The following CCZ1 variants were observed in gnomAD, a reference collection of about 807,000 sequenced individuals.
The protein encoded by CCZ1 is CCZ1 vacuolar protein trafficking and biogenesis associated.
A neutral mutation model predicts 57.8 loss-of-function variants in CCZ1; 19 were observed. The ratio of observed to expected loss-of-function variants is 0.33; its 90% CI spans 0.23 to 0.48. The LOEUF (loss-of-function observed/expected upper bound fraction) is 0.48. CCZ1 is among the 20% of genes least tolerant of loss of function. The pLI is 0.99. For synonymous variants in CCZ1, 81 were observed against 167.0 expected, an observed-to-expected ratio of 0.49 and a Z score of 3.97; for missense variants, 200 against 492.0, an observed-to-expected ratio of 0.41 and a Z score of 5.61.
At chr7:5,909,213 T>G (rs1448441834) in intron 7 of CCZ1, among the ~76,000 whole-genome samples, 1 of 148,678 alleles carries the variant, frequency 6.7e-6, no homozygotes, top group Admixed American at 6.7e-5. Context: ...TTTAACCCTT[T>G]ACCTTCCTTA....
At chr7:5,905,380 G>T in intron 7 of CCZ1, 111 bp downstream of exon 7, 3 of 617,192 alleles carry the variant, frequency 4.9e-6, no homozygotes, top group Non-Finnish European at 8.2e-6. Context: ...GGGAGGATGG[G>T]TAGGAAGCAT....
Position 5,914,227 on chromosome 7 carries a change from G to GT in CCZ1, c.954+1275dup, listed in dbSNP as rs758203408. 5.2e-4 allele frequency among the ~76,000 whole-genome samples: 77 copies of GT among 147,122 alleles called. 5 individuals carry two copies. Among genetic ancestry groups the GT allele is most frequent in the Non-Finnish European group, 9.5e-4 (64 of 67,184 alleles). ...GTGGGAGGATCACTTGAGGCCAGGA[G>GT]TTGGAGGCCAGCCTGGGCAACATAG... On this transcript the variant is annotated intron_variant, in intron 10 of 14. Transcript: ENST00000325974.
chr7:5,911,980 G>A lies in CCZ1; in HGVS notation c.842+58G>A, dbSNP rs535005038. The A allele has an allele frequency of 2.8e-4, 426 of 1,532,830 alleles. 17 individuals carry two copies. The African/African-American group carries it at 5.3e-3, about 19-fold the overall frequency. 95.0% of individuals were successfully genotyped at this position (1,532,830 alleles called of 1,614,324 possible). A position where few individuals can be genotyped will look rare whatever the true frequency, so the allele number is the denominator to read the frequency against. ...GGTTTTCTTTCTTTTTTGACTCAGA[G>A]TCTGGCTCTGTTACCCAGGCTGGAG... On this transcript the variant is annotated intron_variant, in intron 9 of 14. Coordinates refer to ENST00000325974, the MANE Select transcript of CCZ1 (RefSeq NM_015622.6).
Position 5,908,244 on chromosome 7 carries a change from C to T in CCZ1, c.699-1791C>T, listed in dbSNP as rs536283139. Among the ~76,000 whole-genome samples, 395 of 140,244 alleles carry T rather than the reference C, an allele frequency of 2.8e-3. 35 individuals carry two copies. Among genetic ancestry groups the T allele is most frequent in the African/African-American group, 0.01 (379 of 36,900 alleles). The allele number at this position is 140,244 out of a possible 152,430, so 92.0% of individuals were successfully genotyped here. A position where few individuals can be genotyped will look rare whatever the true frequency, so the allele number is the denominator to read the frequency against. On this transcript the variant is annotated intron_variant, in intron 7 of 14. Coordinates refer to ENST00000325974, the MANE Select transcript of CCZ1 (RefSeq NM_015622.6). ...ACTGGGGAGGAGGAGGCAGAAGGAT[C>T]GCTTGAGCCAGGAGTTACTTGGAGA... is the stretch of plus-strand genomic sequence containing the variant.
In CCZ1 at chr7:5,919,842, T is replaced by C. The variant is rs1300179255; in HGVS notation, c.989-7T>C. ...TCTTACTGGTATTTTTTGTCATGAC[T>C]TGCCAGCCTCTGTCCACCCAACGTT... On this transcript the variant is annotated splice_region_variant and splice_polypyrimidine_tract_variant and intron_variant, in intron 11 of 14. Coordinates refer to ENST00000325974, the MANE Select transcript of CCZ1 (RefSeq NM_015622.6). The C allele has an allele frequency of 6.2e-7, 1 of 1,611,038 alleles. No individual in the cohort carries two copies. Among genetic ancestry groups the C allele is most frequent in the Admixed American group, 1.7e-5 (1 of 59,440 alleles).
chr7:5,903,144 G>A (rs1261643133), intron 6 of CCZ1, among the ~76,000 whole-genome samples: 2 of 149,020 alleles, frequency 1.3e-5, no homozygotes, highest in African/African-American at 2.5e-5. Context: ...CTAAACGGGC[G>A]TGAACCGTCT....
intron 7 of CCZ1, among the ~76,000 whole-genome samples, chr7:5,906,791 T>C (rs372779657): frequency 1.3e-5 from 2 of 150,976 alleles, no homozygotes; most frequent in East Asian, 4.0e-4. Context: ...TGAATCCAGT[T>C]AATAAACAAC....
At chr7:5,903,455 C>CT (rs1403659854) in intron 6 of CCZ1, among the ~76,000 whole-genome samples, 2 of 141,682 alleles carry the variant, frequency 1.4e-5, no homozygotes, top group Non-Finnish European at 1.5e-5. Context: ...AATTTATTTT[C>CT]TTCTGAAAAT....
At chr7:5,911,295 C>T (rs1355871964) in intron 8 of CCZ1, among the ~76,000 whole-genome samples, 5 of 148,882 alleles carry the variant, frequency 3.4e-5, no homozygotes, top group Admixed American at 1.3e-4. Flanking sequence ...TGAACTCACT[C>T]TCTTCGCTTG....
chr7:5,909,383 A>G (rs1429144341), intron 7 of CCZ1, among the ~76,000 whole-genome samples: 4 of 150,684 alleles, frequency 2.7e-5, no homozygotes, highest in African/African-American at 7.4e-5. Flanking sequence ...CCTGGGCGAC[A>G]GACGAGACTC....
chr7:5,913,762 G>A (rs1779096135), intron 10 of CCZ1, among the ~76,000 whole-genome samples: 1 of 137,134 alleles, frequency 7.3e-6, no homozygotes. Context: ...GGTGGGGAAG[G>A]GAAGTGAAGT....
intron 10 of CCZ1, among the ~76,000 whole-genome samples, chr7:5,916,556 G>A (rs988270814): frequency 7.0e-6 from 1 of 142,266 alleles, no homozygotes; most frequent in African/African-American, 2.8e-5. Flanking sequence ...CCACTCTGGT[G>A]TGAGCTTCCG....
intron 8 of CCZ1, among the ~76,000 whole-genome samples, chr7:5,911,008 T>G (rs1311374225): frequency 1.3e-5 from 2 of 148,836 alleles, no homozygotes; most frequent in Non-Finnish European, 3.0e-5. Flanking sequence ...AGTGCTGGGA[T>G]TACAGGCGTG....
intron 9 of CCZ1, among the ~76,000 whole-genome samples, chr7:5,912,215 C>T (rs1291400527): frequency 7.3e-6 from 1 of 136,588 alleles, no homozygotes; most frequent in Admixed American, 7.3e-5. Flanking sequence ...GCCTTGGCCT[C>T]CCAAAGTGCT....
intron 14 of CCZ1, 40 bp from the exon 15 acceptor site, chr7:5,925,592 G>A: frequency 1.9e-6 from 3 of 1,609,274 alleles, no homozygotes; most frequent in Non-Finnish European, 2.5e-6. Flanking sequence ...CCTTTTAAGT[G>A]ACTGCCTCTT....
At chr7:5,905,807 A>AAG (rs1781800543) in intron 7 of CCZ1, among the ~76,000 whole-genome samples, 1 of 137,136 alleles carries the variant, frequency 7.3e-6, no homozygotes, top group Non-Finnish European at 1.5e-5. Flanking sequence ...AAAAAAAAAA[A>AAG]GAGAAAATGT....
At chr7:5,903,191 G>T (rs985163696) in intron 6 of CCZ1, among the ~76,000 whole-genome samples, 1 of 148,644 alleles carries the variant, frequency 6.7e-6, no homozygotes, top group African/African-American at 2.5e-5. Flanking sequence ...GACAGACTTT[G>T]TCAGATTAGC....
chr7:5,926,165 AAT>A lies in CCZ1; in HGVS notation c.*479_*480del. On this transcript the variant is annotated 3_prime_UTR_variant, in exon 15 of 15. Coordinates refer to ENST00000325974, the MANE Select transcript of CCZ1 (RefSeq NM_015622.6). The stretch of plus-strand genomic sequence containing the variant: ...CACCACCACGGTCGGCTGATGTTTT[AAT>A]TTTGCAGAGATGGGGGGGTCTCACT... The A allele has an allele frequency of 2.7e-6, 1 of 372,978 alleles. No homozygotes were observed. The highest frequency in any genetic ancestry group is 4.7e-6 in the Non-Finnish European group (1 of 211,204). 23.1% of individuals were successfully genotyped at this position (372,978 alleles called of 1,614,324 possible).
At chr7:5,902,527 A>G (rs1781707425) in intron 5 of CCZ1, 134 bp from the exon 6 acceptor site, 8 of 1,363,046 alleles carry the variant, frequency 5.9e-6, no homozygotes, top group Non-Finnish European at 7.6e-6. Flanking sequence ...TTCTCATGTA[A>G]ATATTCTCTG....
Sources: allele counts gnomAD v4.1 joint callset (sites outside exome capture counted in the v4.1 genomes callset), GRCh38; gene constraint gnomAD v4.1.1; transcripts MANE v1.5; gene names NCBI Gene and HGNC (gene_info 2026-07-23, HGNC 2026-07-21).